The following FGD2 variants were observed in gnomAD, a reference collection of about 807,000 sequenced individuals.
The protein encoded by FGD2 is FYVE, RhoGEF and PH domain containing 2.
FGD2 carries 52 observed loss-of-function variants against 75.9 expected under a neutral mutation model. That is an observed-to-expected ratio of 0.69 (90% confidence interval 0.55 to 0.86). The LOEUF is 0.86. Among genes scored for constraint, FGD2 ranks in the 40% least tolerant of loss-of-function variants. FGD2 has a pLI of 0.00. For synonymous variants in FGD2, 347 were observed against 348.6 expected, an observed-to-expected ratio of 1.00 and a Z score of 0.05; for missense variants, 790 against 872.0, an observed-to-expected ratio of 0.91 and a Z score of 1.18.
chr6:37,014,391 G>A (rs1765173274), intron 6 of FGD2: 2 of 617,742 alleles, frequency 3.2e-6, no homozygotes, highest in East Asian at 5.5e-5. Context: ...TACCCTCTAG[G>A]TCTGGCTTGT....
Position 37,014,084 on chromosome 6 carries a change from C to T in FGD2, c.807C>T (p.Asp269=). Residue 269 remains aspartate, a synonymous_variant, in exon 6 of 16, where the codon GAC becomes GAT. Coordinates refer to ENST00000274963, the MANE Select transcript of FGD2 (RefSeq NM_173558.4). ...AGAAGCTGCCAGCCCAGGCCCCAGA[C>T]CAGGCCGATGCCCAGAGTGAGGACA... is the stretch of plus-strand genomic sequence containing the variant. ...YIQKLPAQAP[D]QADAQKALDM... 1.2e-6 allele frequency: 2 copies of T among 1,613,960 alleles called. No individual in the cohort carries two copies. The highest frequency in any genetic ancestry group is 8.5e-7 in the Non-Finnish European group (1 of 1,179,914).
At chr6:37,020,655 G>A (rs376711130) in intron 10 of FGD2, 35 bp downstream of exon 10, 39 of 1,583,938 alleles carry the variant, frequency 2.5e-5, no homozygotes, top group South Asian at 1.0e-4. Context: ...AGGGCCAGGC[G>A]GGAAAACTGG....
chr6:37,027,527 G>A lies in FGD2; in HGVS notation c.1704G>A (p.Val568=), dbSNP rs772575666. The change falls in exon 15 of 16, where the codon GTG becomes GTA. Residue 568 remains valine, a synonymous_variant. Transcript: ENST00000274963. ...WGKSGPRGWC[V]IPRDDPLVLY... is the part of the protein sequence containing the mutation. Reference sequence around the variant, plus strand: ...AGAGCGGCCCCCGGGGCTGGTGTGTGATCCCTCGGGATGACCCCCTCGTGC... The same window carrying A: ...AGAGCGGCCCCCGGGGCTGGTGTGTAATCCCTCGGGATGACCCCCTCGTGC... The A allele has an allele frequency of 4.3e-6, 7 of 1,614,128 alleles. No homozygotes were observed. Among genetic ancestry groups the A allele is most frequent in the Non-Finnish European group, 5.9e-6 (7 of 1,179,996 alleles).
chr6:37,021,653 A>G (rs944519755), intron 12 of FGD2, 49 bp downstream of exon 12: 2 of 1,517,244 alleles, frequency 1.3e-6, no homozygotes, highest in African/African-American at 2.7e-5. Flanking sequence ...ACCCAAATAG[A>G]GCTTGTTCCC....
intron 9 of FGD2, among the ~76,000 whole-genome samples, chr6:37,016,516 G>A (rs1229791436): frequency 6.7e-6 from 1 of 149,452 alleles, no homozygotes; most frequent in Non-Finnish European, 1.5e-5. Flanking sequence ...TGATGCAGGG[G>A]CTGTTAGAAT....
chr6:37,025,846 A>C lies in FGD2; in HGVS notation c.1513A>C (p.Arg505=). The change falls in exon 14 of 16, where the codon AGG becomes CGG. Residue 505 remains arginine, a synonymous_variant. Transcript: ENST00000274963. ...GGCCGAACTGAAATACGACGACAAC[A>C]GGCCCAACCGAGTCTGCCTCCACTG... ...YRAELKYDDN[R]PNRVCLHCYA... 1 of 1,614,180 alleles carries C rather than the reference A, an allele frequency of 6.2e-7. No individual in the cohort carries two copies. The highest frequency in any genetic ancestry group is 8.5e-7 in the Non-Finnish European group (1 of 1,180,012).
In FGD2 at chr6:37,025,898, T is replaced by C. The variant is rs373975046; in HGVS notation, c.1565T>C (p.Leu522Pro). The C allele has an allele frequency of 2.9e-5, 47 of 1,614,114 alleles. No individual in the cohort carries two copies. The African/African-American group carries it at 5.3e-4, about 18-fold the overall frequency. ...HCYAFLTGNV[L>P]PEAKEDKRRG... ...TACGCATTCCTCACTGGAAATGTGC[T>C]GCCTGAGGCCAAGGAGGACAAGAGG... The change falls in exon 14 of 16, where the codon CTG (leucine) becomes CCG (proline). Residue 522 changes from leucine (L) to proline (P), a missense_variant. Leu to Pro is a moderately conservative substitution (Grantham distance 98, BLOSUM62 -3). Transcript: ENST00000274963.
intron 11 of FGD2, 74 bp from the exon 12 acceptor site, chr6:37,021,438 C>A: frequency 7.4e-7 from 1 of 1,353,186 alleles, no homozygotes; most frequent in Non-Finnish European, 1.0e-6. Flanking sequence ...GTTGCATGCA[C>A]GGAAGGATGG....
chr6:37,022,833 C>T (rs139449605), intron 13 of FGD2: 78 of 162,582 alleles, frequency 4.8e-4, no homozygotes, highest in African/African-American at 1.7e-3. Flanking sequence ...GTGTTGGGCA[C>T]TAGCTCTGAG....
intron 2 of FGD2, 36 bp from the exon 3 acceptor site, chr6:37,010,937 C>T (rs757893984): frequency 3.1e-6 from 5 of 1,605,188 alleles, no homozygotes; most frequent in Non-Finnish European, 1.7e-6. Flanking sequence ...CTGTCTTCCC[C>T]CTTTTTCTCC....
At chr6:37,014,758 C>T (rs749437337) in intron 7 of FGD2, 54 bp downstream of exon 7, 4 of 1,612,074 alleles carry the variant, frequency 2.5e-6, no homozygotes, top group Non-Finnish European at 3.4e-6. Context: ...AGGTCTCAGC[C>T]TGGTCCCACC....
rs1764715589 is a variant in FGD2, at chr6:37,005,685, C to T, written c.-133C>T. The stretch of plus-strand genomic sequence containing the variant: ...GAAGCCAAGAGCCGACCTTCTGAGC[C>T]CTCAAGAAAGATCAGAACAGATTCA... On this transcript the variant is annotated 5_prime_UTR_variant, in exon 1 of 16. Coordinates refer to ENST00000274963, the MANE Select transcript of FGD2 (RefSeq NM_173558.4). 2.1e-6 allele frequency: 2 copies of T among 946,472 alleles called. No homozygotes were observed. Among genetic ancestry groups the T allele is most frequent in the South Asian group, 3.0e-5 (2 of 67,384 alleles). 58.6% of individuals were successfully genotyped at this position (946,472 alleles called of 1,614,324 possible).
chr6:37,009,313 AAC>A (rs1671911652), intron 2 of FGD2: 2 of 462,706 alleles, frequency 4.3e-6, no homozygotes, highest in East Asian at 3.9e-5. Context: ...AGGAAGTTGA[AAC>A]ACAGTTTTAA....
chr6:37,014,417 G>A (rs1008383792), intron 6 of FGD2: 3 of 626,056 alleles, frequency 4.8e-6, no homozygotes, highest in African/African-American at 1.8e-5. Context: ...GAAGCAGTGA[G>A]AGTCACCAAA....
intron 4 of FGD2, chr6:37,013,373 G>A: frequency 8.2e-7 from 1 of 1,213,544 alleles, no homozygotes; most frequent in East Asian, 2.9e-5. Context: ...CCAACACTGT[G>A]CCGGGCCTTG....
chr6:37,009,280 C>G (rs753889897), intron 2 of FGD2: 1 of 520,006 alleles, frequency 1.9e-6, no homozygotes, highest in Non-Finnish European at 3.4e-6. Flanking sequence ...TCGCGAGTCC[C>G]TCGTGTAGGA....
chr6:37,020,690 G>A lies in FGD2; in HGVS notation c.1203-19G>A. 1 of 1,576,356 alleles carries A rather than the reference G, an allele frequency of 6.3e-7. No homozygotes were observed. The highest frequency in any genetic ancestry group is 1.2e-5 in the South Asian group (1 of 86,212). On this transcript the variant is annotated intron_variant, in intron 10 of 15. Coordinates refer to ENST00000274963, the MANE Select transcript of FGD2 (RefSeq NM_173558.4). ...GGAGGGGCTGATCTCCTCAACACCT[G>A]TGTTCACTTTCCGAGCAGGTCCCAG...
At chr6:37,014,589 G>A (rs1008992479) in intron 6 of FGD2, 57 bp from the exon 7 acceptor site, 1 of 1,602,392 alleles carries the variant, frequency 6.2e-7, no homozygotes, top group Non-Finnish European at 8.5e-7. Context: ...AGGACCTCCT[G>A]CCCCAGCCAC....
intron 8 of FGD2, among the ~76,000 whole-genome samples, chr6:37,015,517 C>T (rs1165253908): frequency 6.6e-6 from 1 of 152,188 alleles, no homozygotes; most frequent in Non-Finnish European, 1.5e-5. Flanking sequence ...TTGTAGGTTT[C>T]TGAGGTCTGC....
Sources: gnomAD v4.1 joint callset for allele counts (sites outside exome capture counted in the v4.1 genomes callset) on GRCh38, gnomAD v4.1.1 for gene constraint, MANE v1.5 for transcripts, NCBI Gene and HGNC (gene_info 2026-07-23, HGNC 2026-07-21) for gene names.